GK5: variants seen among roughly 807,000 people sequenced by gnomAD.
The protein encoded by GK5 is glycerol kinase 5.
GK5 carries 39 observed loss-of-function variants against 77.3 expected under a neutral mutation model. The observed-to-expected ratio is 0.50, with a 90% CI of 0.39 to 0.66. GK5 has a LOEUF of 0.66. Ranked by LOEUF, GK5 falls within the 30% of genes least tolerant of loss-of-function variation. The pLI is 0.00. For missense variants in GK5, 487 were observed against 633.8 expected, an observed-to-expected ratio of 0.77 and a Z score of 2.49; for synonymous variants, 211 against 208.0, an observed-to-expected ratio of 1.01 and a Z score of -0.13.
intron 1 of GK5, among the ~76,000 whole-genome samples, chr3:142,224,699 T>G (rs1337511819): frequency 6.6e-6 from 1 of 152,148 alleles, no homozygotes; most frequent in African/African-American, 2.4e-5. Flanking sequence ...ACCTCTAATA[T>G]CCACGGCAAT....
intron 15 of GK5, among the ~76,000 whole-genome samples, chr3:142,167,261 C>G (rs1313374352): frequency 6.6e-6 from 1 of 151,960 alleles, no homozygotes; most frequent in Non-Finnish European, 1.5e-5. Flanking sequence ...ATAGTCTCAG[C>G]TACTTAGGAG....
chr3:142,172,092 T>A (rs1282023357), intron 13 of GK5, among the ~76,000 whole-genome samples: 2 of 152,130 alleles, frequency 1.3e-5, no homozygotes, highest in Non-Finnish European at 2.9e-5. Flanking sequence ...CTTGCATGCT[T>A]AAGAAATTGA....
chr3:142,160,267 GGT>G lies in GK5; in HGVS notation c.*5353_*5354del, dbSNP rs1227902083. 1 of 152,248 alleles carries G rather than the reference GGT, an allele frequency of 6.6e-6. No individual in the cohort carries two copies. The highest frequency in any genetic ancestry group is 1.5e-5 in the Non-Finnish European group (1 of 68,126). 9.4% of individuals were successfully genotyped at this position (152,248 alleles called of 1,614,324 possible). A position where few individuals can be genotyped will look rare whatever the true frequency, so the allele number is the denominator to read the frequency against. Reference sequence around the variant, plus strand: ...GGCCTCACAAATTGCTGGGATTACAGGTGTGAACCACCACGCTTATCCTGGGG... The same window carrying G: ...GGCCTCACAAATTGCTGGGATTACAGGTGAACCACCACGCTTATCCTGGGG... On this transcript the variant is annotated 3_prime_UTR_variant, in exon 16 of 16. Transcript: ENST00000392993.
At chr3:142,171,538 T>G in intron 13 of GK5, 60 bp from the exon 14 acceptor site, 1 of 1,102,510 alleles carries the variant, frequency 9.1e-7, no homozygotes, top group Non-Finnish European at 1.2e-6. Context: ...TTCACTACTT[T>G]ATTCTGATCT....
intron 3 of GK5, among the ~76,000 whole-genome samples, chr3:142,206,361 C>T (rs2064107143): frequency 6.6e-6 from 1 of 152,180 alleles, no homozygotes; most frequent in Non-Finnish European, 1.5e-5. Flanking sequence ...GTCGTTGCAC[C>T]ATTTTACATT....
At chr3:142,185,116 T>C in intron 9 of GK5, 35 of 985,198 alleles carry the variant, frequency 3.6e-5, no homozygotes, top group Non-Finnish European at 4.2e-5. Flanking sequence ...AAAGGACTCT[T>C]AAAAATCAAA....
intron 6 of GK5, 98 bp from the exon 7 acceptor site, chr3:142,186,611 A>C: frequency 4.2e-6 from 2 of 474,342 alleles, no homozygotes; most frequent in Non-Finnish European, 3.7e-6. Flanking sequence ...CCTCAAATTC[A>C]TTCCAAAATG....
At chr3:142,206,912 T>C (rs2064116363) in intron 3 of GK5, among the ~76,000 whole-genome samples, 1 of 152,196 alleles carries the variant, frequency 6.6e-6, no homozygotes. Context: ...CTATGATTGC[T>C]ACGGTTCATT....
intron 1 of GK5, among the ~76,000 whole-genome samples, chr3:142,220,063 T>C (rs1323601311): frequency 6.6e-6 from 1 of 152,246 alleles, no homozygotes; most frequent in Non-Finnish European, 1.5e-5. Flanking sequence ...CCTCCCAGTC[T>C]ATTAAAAGGA....
At chr3:142,192,743 G>A (rs1012116140) in intron 5 of GK5, among the ~76,000 whole-genome samples, 8 of 145,730 alleles carry the variant, frequency 5.5e-5, no homozygotes, top group East Asian at 2.0e-4. Context: ...CAGCCTGGGC[G>A]ACAGAGTGAG....
chr3:142,164,737 T>TA lies in GK5; in HGVS notation c.*884dup, dbSNP rs2063455628. On this transcript the variant is annotated 3_prime_UTR_variant, in exon 16 of 16. Coordinates refer to ENST00000392993, the MANE Select transcript of GK5 (RefSeq NM_001039547.3). ...CTTCTTCAAATTAAGCTCTGTCAATTAGGCACTTAATAAAAACAAAAGACA... is the reference window on the plus strand; with the variant it reads ...CTTCTTCAAATTAAGCTCTGTCAATTAAGGCACTTAATAAAAACAAAAGACA... 6.6e-6 allele frequency: 1 copy of TA among 152,156 alleles called. No homozygotes were observed. The highest frequency in any genetic ancestry group is 2.4e-5 in the African/African-American group (1 of 41,422). The allele number at this position is 152,156 out of a possible 1,614,324, so 9.4% of individuals were successfully genotyped here.
intron 6 of GK5, among the ~76,000 whole-genome samples, chr3:142,187,075 G>A (rs1337027631): frequency 6.6e-6 from 1 of 152,130 alleles, no homozygotes; most frequent in East Asian, 1.9e-4. Context: ...GCTCAAAGAT[G>A]TTAATGTCAC....
At chr3:142,209,043 G>A (rs1372358966) in intron 3 of GK5, among the ~76,000 whole-genome samples, 2 of 152,098 alleles carry the variant, frequency 1.3e-5, no homozygotes, top group Non-Finnish European at 2.9e-5. Context: ...CAGCTCCTCG[G>A]GAGGCTGAGG....
chr3:142,215,903 T>C (rs2064270510), intron 1 of GK5, among the ~76,000 whole-genome samples: 1 of 152,154 alleles, frequency 6.6e-6, no homozygotes, highest in Non-Finnish European at 1.5e-5. Flanking sequence ...CACAGAAGAC[T>C]TTAGCTTTGT....
intron 3 of GK5, among the ~76,000 whole-genome samples, chr3:142,206,597 CT>C (rs2064111378): frequency 6.6e-6 from 1 of 152,090 alleles, no homozygotes; most frequent in Non-Finnish European, 1.5e-5. Flanking sequence ...TGCATTGTTG[CT>C]TTCTTGTTGT....
chr3:142,204,559 A>G (rs1349790923), intron 4 of GK5, 136 bp downstream of exon 4: 1 of 721,378 alleles, frequency 1.4e-6, no homozygotes, highest in Non-Finnish European at 2.6e-6. Context: ...CTATTATTAA[A>G]CTTCACTGGA....
chr3:142,161,901 G>A lies in GK5; in HGVS notation c.*3721C>T, dbSNP rs1425262358. On this transcript the variant is annotated 3_prime_UTR_variant, in exon 16 of 16. Coordinates refer to ENST00000392993, the MANE Select transcript of GK5 (RefSeq NM_001039547.3). Reference sequence around the variant, plus strand: ...GCAGCCTCCACCTCCTGGAGCTCAAGTGATCTTCCCACCTCAGCCCCCTAA... The same window carrying A: ...GCAGCCTCCACCTCCTGGAGCTCAAATGATCTTCCCACCTCAGCCCCCTAA... 2 of 152,232 alleles carry A rather than the reference G, an allele frequency of 1.3e-5. No individual in the cohort carries two copies. Among genetic ancestry groups the A allele is most frequent in the Non-Finnish European group, 2.9e-5 (2 of 68,100 alleles). 9.4% of individuals were successfully genotyped at this position (152,232 alleles called of 1,614,324 possible).
intron 11 of GK5, among the ~76,000 whole-genome samples, chr3:142,181,066 G>A (rs997969311): frequency 1.6e-4 from 25 of 152,198 alleles, no homozygotes; most frequent in African/African-American, 5.8e-4. Flanking sequence ...TTTAATTATC[G>A]TACGTGAACA....
chr3:142,171,667 A>G lies in GK5; in HGVS notation c.1248-189T>C, dbSNP rs554950776. Among the ~76,000 whole-genome samples, 5 of 152,312 alleles carry G rather than the reference A, an allele frequency of 3.3e-5. No homozygotes were observed. In the South Asian group the frequency reaches 1.0e-3, roughly 32 times the overall value. On this transcript the variant is annotated intron_variant, in intron 13 of 15. Coordinates refer to ENST00000392993, the MANE Select transcript of GK5 (RefSeq NM_001039547.3). ...ATAACAGATACTCAAATAAGCAAGA[A>G]GCGCAGGTCCTTGTGTTTTTTTTGC... is the stretch of plus-strand genomic sequence containing the variant.
Sources: allele counts gnomAD v4.1 joint callset (sites outside exome capture counted in the v4.1 genomes callset), GRCh38; gene constraint gnomAD v4.1.1; transcripts MANE v1.5; gene names NCBI Gene and HGNC (gene_info 2026-07-23, HGNC 2026-07-21).